The following KCNIP4 variants were observed in gnomAD, a reference collection of about 807,000 sequenced individuals.
The protein encoded by KCNIP4 is potassium voltage-gated channel interacting protein 4.
A neutral mutation model predicts 34.0 loss-of-function variants in KCNIP4; 12 were observed. The observed-to-expected ratio is 0.35, with a 90% CI of 0.23 to 0.57. The LOEUF (loss-of-function observed/expected upper bound fraction) is 0.57. Ranked by LOEUF, KCNIP4 falls within the 20% of genes least tolerant of loss-of-function variation. KCNIP4 has a pLI of 0.83. For missense variants in KCNIP4, 238 were observed against 311.7 expected, an observed-to-expected ratio of 0.76 and a Z score of 1.78; for synonymous variants, 124 against 102.2, an observed-to-expected ratio of 1.21 and a Z score of -1.29.
chr4:20,869,497 T>A (rs1293952063), intron 2 of KCNIP4, among the ~76,000 whole-genome samples: 2 of 152,098 alleles, frequency 1.3e-5, no homozygotes, highest in African/African-American at 4.8e-5. Context: ...TTTGCAGTAA[T>A]ATCTAGTGTT....
At chr4:20,732,135 T>G (rs1748440417) in intron 7 of KCNIP4, 67 bp from the exon 8 acceptor site, 1 of 1,086,564 alleles carries the variant, frequency 9.2e-7, no homozygotes, top group African/African-American at 1.6e-5. Context: ...CTGGACCAAA[T>G]GAGCTGAAGC....
chr4:21,461,754 G>A (rs1425453792), intron 1 of KCNIP4, among the ~76,000 whole-genome samples: 1 of 151,728 alleles, frequency 6.6e-6, no homozygotes, highest in East Asian at 2.0e-4. Context: ...CATGCCTGAT[G>A]CACATTTTAT....
chr4:21,459,227 C>G (rs1205527078), intron 1 of KCNIP4, among the ~76,000 whole-genome samples: 1 of 152,016 alleles, frequency 6.6e-6, no homozygotes, highest in Non-Finnish European at 1.5e-5. Flanking sequence ...ATAAAAATGG[C>G]TCTCTTTAAA....
intron 1 of KCNIP4, among the ~76,000 whole-genome samples, chr4:21,435,814 A>T (rs911347441): frequency 3.9e-5 from 6 of 152,180 alleles, no homozygotes; most frequent in African/African-American, 1.4e-4. Flanking sequence ...GTTATCAACG[A>T]CTTCTACTGG....
At position 21,297,136 on chromosome 4, in the gene KCNIP4, T is replaced by C. The variant is rs1763889824; in HGVS notation, c.62-414427A>G. 4.6e-5 allele frequency among the ~76,000 whole-genome samples: 7 copies of C among 150,912 alleles called. No individual in the cohort carries two copies. The South Asian group carries it at 1.5e-3, about 32-fold the overall frequency. ...TATATATATATATTTGGAAAGGAGA[T>C]GAATAATTGTTATTTGAATGTGGTA... On this transcript the variant is annotated intron_variant, in intron 1 of 8. Transcript: ENST00000382152.
intron 1 of KCNIP4, among the ~76,000 whole-genome samples, chr4:21,224,578 G>GGTTT (rs1553838095): frequency 1.1e-4 from 5 of 44,880 alleles, no homozygotes; most frequent in African/African-American, 5.1e-4. Context: ...TTTTTCAACT[G>GGTTT]TTTTTTTTTT....
chr4:21,028,580 C>A (rs1240982183), intron 1 of KCNIP4, among the ~76,000 whole-genome samples: 1 of 152,130 alleles, frequency 6.6e-6, no homozygotes, highest in Non-Finnish European at 1.5e-5. Context: ...TGCAGGTAAC[C>A]ATTGCCTCCC....
At chr4:21,744,666 T>C (rs1324299924) in intron 1 of KCNIP4, among the ~76,000 whole-genome samples, 1 of 152,160 alleles carries the variant, frequency 6.6e-6, no homozygotes, top group African/African-American at 2.4e-5. Context: ...ACAGCCAAGG[T>C]CACTTCTAAT....
intron 1 of KCNIP4, among the ~76,000 whole-genome samples, chr4:21,581,215 T>A (rs1055739056): frequency 6.6e-6 from 1 of 152,042 alleles, no homozygotes; most frequent in East Asian, 1.9e-4. Flanking sequence ...AGGAACGGCA[T>A]AAAAACAAAC....
intron 1 of KCNIP4, among the ~76,000 whole-genome samples, chr4:21,748,284 A>G (rs1478813799): frequency 1.3e-5 from 2 of 152,172 alleles, no homozygotes; most frequent in African/African-American, 4.8e-5. Context: ...TCCATGCTAC[A>G]ACTTTCCACT....
intron 1 of KCNIP4, among the ~76,000 whole-genome samples, chr4:21,670,331 A>G (rs1274656589): frequency 6.6e-6 from 1 of 150,448 alleles, no homozygotes; most frequent in Non-Finnish European, 1.5e-5. Flanking sequence ...ACAAAAAACC[A>G]AACACTGCAT....
At chr4:21,732,044 T>C (rs188802300) in intron 1 of KCNIP4, among the ~76,000 whole-genome samples, 1 of 150,980 alleles carries the variant, frequency 6.6e-6, no homozygotes, top group East Asian at 1.9e-4. Flanking sequence ...ATATATTTAA[T>C]TGAATAAACT....
chr4:21,595,342 T>C (rs1166716628), intron 1 of KCNIP4, among the ~76,000 whole-genome samples: 1 of 152,160 alleles, frequency 6.6e-6, no homozygotes, highest in Non-Finnish European at 1.5e-5. Flanking sequence ...TATGGCTAAA[T>C]AGTATTCCAC....
intron 3 of KCNIP4, among the ~76,000 whole-genome samples, chr4:20,827,459 C>T (rs568162106): frequency 6.6e-6 from 1 of 152,116 alleles, no homozygotes; most frequent in Non-Finnish European, 1.5e-5. Context: ...CAAGTCATAC[C>T]AGATTAGATC....
At chr4:21,007,376 A>C (rs1046625937) in intron 1 of KCNIP4, among the ~76,000 whole-genome samples, 5 of 152,216 alleles carry the variant, frequency 3.3e-5, no homozygotes, top group African/African-American at 9.6e-5. Context: ...TCCAGGGTTT[A>C]GAAAAACTCA....
chr4:20,901,826 G>T (rs1577339371), intron 1 of KCNIP4, among the ~76,000 whole-genome samples: 1 of 151,930 alleles, frequency 6.6e-6, no homozygotes, highest in Non-Finnish European at 1.5e-5. Flanking sequence ...CAGTGAGTTT[G>T]CAGTCATATT....
chr4:20,736,424 GTTGT>G (rs1422632355), intron 5 of KCNIP4, among the ~76,000 whole-genome samples: 1 of 151,970 alleles, frequency 6.6e-6, no homozygotes, highest in Non-Finnish European at 1.5e-5. Flanking sequence ...TTCTAAACTA[GTTGT>G]TTGTATGTAT....
At chr4:20,763,265 C>CT (rs1456447720) in intron 3 of KCNIP4, among the ~76,000 whole-genome samples, 2 of 152,066 alleles carry the variant, frequency 1.3e-5, no homozygotes, top group Admixed American at 6.6e-5. Context: ...CAGTATTTTG[C>CT]TTTTTTGGAT....
intron 1 of KCNIP4, among the ~76,000 whole-genome samples, chr4:21,211,022 T>C (rs2108977313): frequency 6.6e-6 from 1 of 152,320 alleles, no homozygotes; most frequent in East Asian, 1.9e-4. Context: ...AGTTTAGCTC[T>C]AGGTTTAGAA....
Sources: gnomAD v4.1 joint callset for allele counts (sites outside exome capture counted in the v4.1 genomes callset) on GRCh38, gnomAD v4.1.1 for gene constraint, MANE v1.5 for transcripts, NCBI Gene and HGNC (gene_info 2026-07-23, HGNC 2026-07-21) for gene names.